DRAM2: variants seen among roughly 807,000 people sequenced by gnomAD.
The protein encoded by DRAM2 is DNA damage regulated autophagy modulator 2.
Under a neutral mutation model 33.5 loss-of-function variants are expected in DRAM2, and 26 were observed. That is an observed-to-expected ratio of 0.78 (90% confidence interval 0.57 to 1.08). The LOEUF (loss-of-function observed/expected upper bound fraction) is 1.08, where lower values mean the gene tolerates loss of function less well. Ranked by LOEUF, DRAM2 falls within the 50% of genes least tolerant of loss-of-function variation. The probability of loss-of-function intolerance (pLI) is 0.00; values close to 1 mark genes in which losing one functional copy is unlikely to be tolerated. For missense variants in DRAM2, 311 were observed against 318.1 expected, an observed-to-expected ratio of 0.98 and a Z score of 0.17; for synonymous variants, 98 against 109.5, an observed-to-expected ratio of 0.89 and a Z score of 0.66.
chr1:111,129,526 T>A (rs1651650836), intron 4 of DRAM2, among the ~76,000 whole-genome samples: 1 of 152,238 alleles, frequency 6.6e-6, no homozygotes, highest in South Asian at 2.1e-4. Flanking sequence ...CAGAAACCAT[T>A]CATATAATTA....
intron 5 of DRAM2, 70 bp downstream of exon 5, chr1:111,126,157 C>T: frequency 2.2e-6 from 2 of 930,138 alleles, no homozygotes; most frequent in Non-Finnish European, 3.6e-6. Flanking sequence ...AAGTAACACT[C>T]CAGTGTTGAA....
At chr1:111,125,019 A>C in intron 5 of DRAM2, 138 bp from the exon 6 acceptor site, 1 of 768,714 alleles carries the variant, frequency 1.3e-6, no homozygotes. Context: ...AATAAAAAGA[A>C]AAAAAAAAAC....
chr1:111,118,820 G>T lies in DRAM2; in HGVS notation c.678C>A (p.Tyr226Ter), dbSNP rs376487338. Residue 226 changes from tyrosine to a stop codon, truncating the protein, a stop_gained, in exon 9 of 10, where the codon TAC (tyrosine) becomes TAA (stop). Coordinates refer to ENST00000484310, the MANE Select transcript of DRAM2 (RefSeq NM_001349884.2). LOFTEE classifies it high-confidence loss of function. Reference protein sequence around the residue: ...SFSFFGFFLTYIRDFQKISLR... With the variant: ...SFSFFGFFLT ...GCCTTCTTACCTGAAAATCACGAAT[G>T]TAAGTCAGGAAAAAACCAAAGAAGG... 1 of 1,607,316 alleles carries T rather than the reference G, an allele frequency of 6.2e-7. No individual in the cohort carries two copies. The highest frequency in any genetic ancestry group is 8.5e-7 in the Non-Finnish European group (1 of 1,175,896).
intron 2 of DRAM2, among the ~76,000 whole-genome samples, chr1:111,138,439 TA>T (rs1653719513): frequency 6.6e-6 from 1 of 152,252 alleles, no homozygotes; most frequent in African/African-American, 2.4e-5. Flanking sequence ...CCTTTCAAAA[TA>T]ATTGAGAGTA....
chr1:111,125,015 A>AAC, intron 5 of DRAM2, 134 bp from the exon 6 acceptor site: 1 of 853,110 alleles, frequency 1.2e-6, no homozygotes, highest in Non-Finnish European at 1.7e-6. Context: ...AGAGAATAAA[A>AAC]AGAAAAAAAA....
chr1:111,134,501 C>T (rs974292820), intron 3 of DRAM2, among the ~76,000 whole-genome samples: 1 of 152,256 alleles, frequency 6.6e-6, no homozygotes, highest in Non-Finnish European at 1.5e-5. Flanking sequence ...TTCCTTTTTC[C>T]TTGTCAGTCC....
At position 111,121,334 on chromosome 1, in the gene DRAM2, C is replaced by G. The variant is rs183708045; in HGVS notation, c.340-641G>C. Among the ~76,000 whole-genome samples, 57 of 152,126 alleles carry G rather than the reference C, an allele frequency of 3.7e-4. 1 individual carries two copies. The highest frequency in any genetic ancestry group is 1.3e-3 in the African/African-American group (54 of 41,536). ...AACACCAAGGATTACTGGTAATCAC[C>G]AGAAGCCAGGAACAGATTCTCCCTC... On this transcript the variant is annotated intron_variant, in intron 6 of 9. Coordinates refer to ENST00000484310, the MANE Select transcript of DRAM2 (RefSeq NM_001349884.2).
At chr1:111,118,568 T>C in intron 9 of DRAM2, 1 of 470,246 alleles carries the variant, frequency 2.1e-6, no homozygotes. Flanking sequence ...TGTAAGAATT[T>C]CTGAAATTTA....
intron 4 of DRAM2, among the ~76,000 whole-genome samples, chr1:111,130,582 T>G (rs767735049): frequency 6.6e-6 from 1 of 150,748 alleles, no homozygotes; most frequent in African/African-American, 2.4e-5. Context: ...CGCCTGTAAT[T>G]CTAGTGACTC....
chr1:111,118,056 CTTGA>C lies in DRAM2; in HGVS notation c.*100_*103del, dbSNP rs1649261722. The C allele has an allele frequency of 8.8e-6, 9 of 1,017,588 alleles. No individual in the cohort carries two copies. Among genetic ancestry groups the C allele is most frequent in the East Asian group, 2.4e-5 (1 of 41,336 alleles). The allele number at this position is 1,017,588 out of a possible 1,614,324, so 63.0% of individuals were successfully genotyped here. The stretch of plus-strand genomic sequence containing the variant: ...AGCATTCATCAGTGTTACTGTCAGC[CTTGA>C]TTAAGTGGTTGAAAATTTCAGAGAA... On this transcript the variant is annotated 3_prime_UTR_variant, in exon 10 of 10. Coordinates refer to ENST00000484310, the MANE Select transcript of DRAM2 (RefSeq NM_001349884.2).
intron 2 of DRAM2, among the ~76,000 whole-genome samples, chr1:111,137,872 T>G (rs1653567872): frequency 6.6e-6 from 1 of 152,216 alleles, no homozygotes; most frequent in South Asian, 2.1e-4. Flanking sequence ...TATCATTGCG[T>G]CTTCTCCTAT....
chr1:111,132,540 T>C (rs1352080954), intron 3 of DRAM2, among the ~76,000 whole-genome samples: 3 of 152,274 alleles, frequency 2.0e-5, no homozygotes, highest in Non-Finnish European at 4.4e-5. Context: ...TCTAGGTAGA[T>C]ACCATCAGAA....
chr1:111,134,553 A>C (rs1193016677), intron 3 of DRAM2, among the ~76,000 whole-genome samples: 2 of 152,410 alleles, frequency 1.3e-5, no homozygotes, highest in Non-Finnish European at 2.9e-5. Flanking sequence ...CTATTCAGTT[A>C]ATCATGACAA....
chr1:111,138,301 A>G (rs967536556), intron 2 of DRAM2, among the ~76,000 whole-genome samples: 9 of 152,260 alleles, frequency 5.9e-5, no homozygotes, highest in African/African-American at 2.2e-4. Flanking sequence ...CAACTGAGGA[A>G]TTTAAATGCA....
intron 8 of DRAM2, 98 bp from the exon 9 acceptor site, chr1:111,118,995 TG>T: frequency 1.2e-6 from 1 of 802,262 alleles, no homozygotes; most frequent in Non-Finnish European, 1.8e-6. Flanking sequence ...TATAAAATAA[TG>T]GAGCTTCTGA....
At chr1:111,131,399 T>C in intron 4 of DRAM2, 25 bp downstream of exon 4, 1 of 1,604,030 alleles carries the variant, frequency 6.2e-7, no homozygotes, top group Non-Finnish European at 8.5e-7. Flanking sequence ...AAGAGTCTCC[T>C]ATACAAAGAA....
chr1:111,119,074 C>T (rs988934632), intron 8 of DRAM2, among the ~76,000 whole-genome samples, 177 bp from the exon 9 acceptor site: 10 of 151,856 alleles, frequency 6.6e-5, no homozygotes, highest in Admixed American at 2.6e-4. Context: ...AGGAAATCCT[C>T]CTAAATGACA....
intron 9 of DRAM2, 60 bp from the exon 10 acceptor site, chr1:111,118,327 C>T: frequency 8.8e-7 from 1 of 1,138,964 alleles, no homozygotes; most frequent in Non-Finnish European, 1.3e-6. Flanking sequence ...ATCACTCCTT[C>T]AATATGTTCT....
intron 4 of DRAM2, 105 bp from the exon 5 acceptor site, chr1:111,126,399 T>C (rs559056173): frequency 6.0e-6 from 4 of 665,192 alleles, no homozygotes; most frequent in Non-Finnish European, 1.1e-5. Context: ...CTCTTATCTT[T>C]TATAAATCCA....
Sources: gnomAD v4.1 joint callset for allele counts (sites outside exome capture counted in the v4.1 genomes callset) on GRCh38, gnomAD v4.1.1 for gene constraint, MANE v1.5 for transcripts, NCBI Gene and HGNC (gene_info 2026-07-23, HGNC 2026-07-21) for gene names.